Variants in DRC3 observed in about 807,000 individuals in gnomAD.
DRC3 encodes dynein regulatory complex subunit 3, also known as leucine rich repeat containing 48.
In DRC3, 45 loss-of-function variants were observed where a neutral mutation model predicts 57.6. The ratio of observed to expected loss-of-function variants is 0.78; its 90% CI spans 0.62 to 1.00. The LOEUF (loss-of-function observed/expected upper bound fraction) is 1.00, where lower values mean the gene tolerates loss of function less well. DRC3 is among the 50% of genes least tolerant of loss of function. DRC3 has a pLI of 0.00. For synonymous variants in DRC3, 257 were observed against 272.3 expected (o/e 0.94, Z 0.55); for missense variants, 655 against 675.2 (o/e 0.97, Z 0.33).
intron 3 of DRC3, chr17:17,977,995 C>T (rs891757004): frequency 4.7e-6 from 2 of 427,888 alleles, no homozygotes; most frequent in African/African-American, 4.1e-5. Flanking sequence ...GAATAGAAAA[C>T]AAGATAAAAT....
chr17:17,997,414 C>T (rs1354999813), intron 8 of DRC3, 46 bp from the exon 9 acceptor site: 3 of 1,600,220 alleles, frequency 1.9e-6, no homozygotes, highest in South Asian at 1.1e-5. Flanking sequence ...GTGCCCTCCG[C>T]AGCCTGCTCC....
At chr17:18,009,424 G>C (rs2145438491) in intron 12 of DRC3, among the ~76,000 whole-genome samples, 1 of 152,194 alleles carries the variant, frequency 6.6e-6, no homozygotes, top group East Asian at 1.9e-4. Flanking sequence ...ATAAAATAAA[G>C]GAATAATACA....
At position 18,016,856 on chromosome 17, in the gene DRC3, C is replaced by A; in HGVS notation, c.*185C>A. ...AGTAGAGAAAATAAAGGACTCATTTCACATTTCCCCTACTCATAAAAAAAA... is the reference window on the plus strand; with the variant it reads ...AGTAGAGAAAATAAAGGACTCATTTAACATTTCCCCTACTCATAAAAAAAA... On this transcript the variant is annotated 3_prime_UTR_variant, in exon 14 of 14. Transcript: ENST00000399187. The A allele has an allele frequency of 4.5e-6, 2 of 446,948 alleles. No individual in the cohort carries two copies. The highest frequency in any genetic ancestry group is 7.9e-6 in the Non-Finnish European group (2 of 252,642). 27.7% of individuals were successfully genotyped at this position (446,948 alleles called of 1,614,324 possible). A position where few individuals can be genotyped will look rare whatever the true frequency, so the allele number is the denominator to read the frequency against.
intron 8 of DRC3, among the ~76,000 whole-genome samples, chr17:17,996,408 T>C (rs2043460282): frequency 6.6e-6 from 1 of 152,178 alleles, no homozygotes; most frequent in Admixed American, 6.5e-5. Flanking sequence ...ACATCTTACA[T>C]GGGCAGTGGG....
intron 3 of DRC3, chr17:17,977,973 G>T: frequency 2.1e-6 from 1 of 469,076 alleles, no homozygotes. Flanking sequence ...CGACGCTCCG[G>T]ATTCTGAATA....
rs548426741 is a variant in DRC3, at chr17:17,998,338, A to T, written c.999+704A>T. 6.6e-5 allele frequency among the ~76,000 whole-genome samples: 10 copies of T among 152,354 alleles called. 1 individual carries two copies. In the South Asian group the frequency reaches 1.7e-3, roughly 25 times the overall value. On this transcript the variant is annotated intron_variant, in intron 9 of 13. Transcript: ENST00000399187. ...GGTCAGGACTCAGCCTAACCAGGCC[A>T]TGGGGTCCAGCCCAAGCAGGGGCCA...
chr17:17,994,315 C>G lies in DRC3; in HGVS notation c.608C>G (p.Ala203Gly), dbSNP rs1294118414. ...IDDHTKKLAE[A>G]KHQYSIDELK... is the part of the protein sequence containing the mutation. ...CCTGGTCAGAAAAAGCTTGCGGAGG[C>G]TAAGCACCAGTACAGCATCGACGAG... Residue 203 changes from alanine to glycine, a missense_variant, in exon 7 of 14, where the codon GCT becomes GGT. Coordinates refer to ENST00000399187, the MANE Select transcript of DRC3 (RefSeq NM_031294.4). 2.6e-6 allele frequency: 4 copies of G among 1,552,866 alleles called. No homozygotes were observed. Among genetic ancestry groups the G allele is most frequent in the Non-Finnish European group, 3.5e-6 (4 of 1,147,808 alleles).
chr17:17,999,676 T>C (rs1286873993), intron 9 of DRC3, among the ~76,000 whole-genome samples: 4 of 152,232 alleles, frequency 2.6e-5, no homozygotes, highest in East Asian at 3.8e-4. Context: ...AGACACATTA[T>C]TGACCCTCTC....
At chr17:18,006,966 G>A in intron 11 of DRC3, 58 bp from the exon 12 acceptor site, 1 of 1,606,344 alleles carries the variant, frequency 6.2e-7, no homozygotes, top group Non-Finnish European at 8.5e-7. Flanking sequence ...CCGTCTGAGA[G>A]CATCAGGGAC....
intron 6 of DRC3, 94 bp downstream of exon 6, chr17:17,993,005 C>A: frequency 7.4e-7 from 1 of 1,346,948 alleles, no homozygotes; most frequent in Non-Finnish European, 1.0e-6. Flanking sequence ...GTAGCTTCCC[C>A]TGCCCACAAC....
intron 8 of DRC3, among the ~76,000 whole-genome samples, chr17:17,996,311 C>T (rs902458443): frequency 1.3e-5 from 2 of 152,222 alleles, no homozygotes; most frequent in Non-Finnish European, 2.9e-5. Context: ...CCACCGTGCC[C>T]AGCCAGAAAG....
intron 5 of DRC3, chr17:17,989,429 G>A (rs1424977728): frequency 6.6e-6 from 1 of 152,286 alleles, no homozygotes; most frequent in Non-Finnish European, 1.5e-5. Flanking sequence ...ACCCCCATGA[G>A]GGTGGATTTG....
intron 2 of DRC3, among the ~76,000 whole-genome samples, chr17:17,975,620 G>A (rs983857939): frequency 1.3e-5 from 2 of 149,544 alleles, no homozygotes; most frequent in East Asian, 2.0e-4. Flanking sequence ...ATGGGAAACC[G>A]CAGGGGAAGC....
chr17:17,993,623 A>G (rs186495897), intron 6 of DRC3: 4 of 152,930 alleles, frequency 2.6e-5, no homozygotes, highest in African/African-American at 7.2e-5. Flanking sequence ...AGAGGGAACC[A>G]GGCCATCAGA....
Position 17,983,860 on chromosome 17 carries a change from G to A in DRC3, c.193G>A (p.Glu65Lys). ...ILRIDNLWQF[E>K]NLRKLQLDNN... is the part of the protein sequence containing the mutation. The stretch of plus-strand genomic sequence containing the variant: ...CCGCATAGACAACCTCTGGCAGTTT[G>A]AGAACTTGAGGAAGCTGCAGCTGGA... The change falls in exon 4 of 14, where the codon GAG becomes AAG. Residue 65 changes from glutamate (E) to lysine (K), a missense_variant. Coordinates refer to ENST00000399187, the MANE Select transcript of DRC3 (RefSeq NM_031294.4). 2 of 1,613,512 alleles carry A rather than the reference G, an allele frequency of 1.2e-6. No individual in the cohort carries two copies. Among genetic ancestry groups the A allele is most frequent in the Non-Finnish European group, 1.7e-6 (2 of 1,179,574 alleles).
intron 9 of DRC3, among the ~76,000 whole-genome samples, chr17:18,000,130 C>G (rs571080635): frequency 1.5e-5 from 2 of 134,376 alleles, no homozygotes; most frequent in Admixed American, 1.6e-4. Context: ...TTGTTCTGTA[C>G]TTTGCTTTCC....
Position 18,007,565 on chromosome 17 carries a change from A to G in DRC3, c.1326+418A>G, listed in dbSNP as rs2044026232. The G allele has an allele frequency of 1.4e-5, 21 of 1,495,078 alleles. No homozygotes were observed. In the East Asian group the frequency reaches 4.6e-4, roughly 33 times the overall value. 92.6% of individuals were successfully genotyped at this position (1,495,078 alleles called of 1,614,324 possible). On this transcript the variant is annotated intron_variant, in intron 12 of 13. Coordinates refer to ENST00000399187, the MANE Select transcript of DRC3 (RefSeq NM_031294.4). The stretch of plus-strand genomic sequence containing the variant: ...GAACCACCATTTCTGATCCTGCACA[A>G]TGCCATCCGGTTTGCACCAGCACAT...
intron 5 of DRC3, among the ~76,000 whole-genome samples, chr17:17,990,442 G>C (rs1450262281): frequency 6.6e-6 from 1 of 152,216 alleles, no homozygotes; most frequent in Non-Finnish European, 1.5e-5. Flanking sequence ...CAGCCACCCT[G>C]GCCTTTGCTC....
intron 4 of DRC3, among the ~76,000 whole-genome samples, chr17:17,986,192 G>C (rs568182956): frequency 6.6e-6 from 1 of 152,194 alleles, no homozygotes; most frequent in Non-Finnish European, 1.5e-5. Context: ...GATTATAGGC[G>C]TGAGCCACTG....
Sources: gnomAD v4.1 joint callset for allele counts (sites outside exome capture counted in the v4.1 genomes callset) on GRCh38, gnomAD v4.1.1 for gene constraint, MANE v1.5 for transcripts, NCBI Gene and HGNC (gene_info 2026-07-23, HGNC 2026-07-21) for gene names.